Variants in RAB40B observed in about 807,000 individuals in gnomAD.
RAB40B encodes RAB40B, member RAS oncogene family, also known as ras-related protein Rab-40B.
RAB40B carries 21 observed loss-of-function variants against 24.0 expected under a neutral mutation model. The ratio of observed to expected loss-of-function variants is 0.88; its 90% CI spans 0.62 to 1.26. RAB40B has a LOEUF of 1.26. Among genes scored for constraint, RAB40B ranks in the 50% most tolerant of loss-of-function variants. The pLI, the probability that RAB40B is intolerant of heterozygous loss-of-function variation, is 0.00. For missense variants in RAB40B, 348 were observed against 390.5 expected (o/e 0.89, Z 0.92); for synonymous variants, 167 against 169.8 (o/e 0.98, Z 0.13).
At chr17:82,688,607 T>C (rs868484394) in intron 1 of RAB40B, among the ~76,000 whole-genome samples, 1 of 150,960 alleles carries the variant, frequency 6.6e-6, no homozygotes, top group Middle Eastern at 3.4e-3. Flanking sequence ...AAAGCGAGAC[T>C]CCGTCTCAAA....
chr17:82,695,980 C>T (rs1471812143), intron 1 of RAB40B, among the ~76,000 whole-genome samples: 1 of 152,110 alleles, frequency 6.6e-6, no homozygotes, highest in East Asian at 1.9e-4. Context: ...AGCAATTCTC[C>T]TGCCTCAGCC....
intron 1 of RAB40B, among the ~76,000 whole-genome samples, chr17:82,681,982 T>C (rs535139764): frequency 5.9e-5 from 9 of 151,988 alleles, no homozygotes; most frequent in African/African-American, 2.2e-4. Flanking sequence ...CCCATGAAAA[T>C]ATCCACTCTT....
At chr17:82,662,795 G>T (rs1437065753) in intron 2 of RAB40B, 3 of 985,316 alleles carry the variant, frequency 3.0e-6, no homozygotes, top group South Asian at 4.7e-5. Context: ...CCACTGGGCA[G>T]CTGGGGTCAG....
intron 1 of RAB40B, among the ~76,000 whole-genome samples, chr17:82,674,852 G>A (rs904398958): frequency 1.3e-5 from 2 of 152,012 alleles, no homozygotes; most frequent in Non-Finnish European, 2.9e-5. Context: ...AGCAGGGCCA[G>A]GGTGTGTGCA....
chr17:82,678,676 G>A (rs1034878381), intron 1 of RAB40B, among the ~76,000 whole-genome samples: 1 of 152,162 alleles, frequency 6.6e-6, no homozygotes, highest in Non-Finnish European at 1.5e-5. Context: ...TAAAACACCG[G>A]AAAGCCAAAA....
chr17:82,695,294 C>T (rs539207015), intron 1 of RAB40B, among the ~76,000 whole-genome samples: 10 of 150,848 alleles, frequency 6.6e-5, no homozygotes, highest in East Asian at 3.9e-4. Flanking sequence ...TGGGTTCCAG[C>T]GATTCTCCTG....
intron 1 of RAB40B, among the ~76,000 whole-genome samples, chr17:82,666,005 AC>A (rs1333535987): frequency 3.6e-4 from 54 of 151,502 alleles, no homozygotes; most frequent in African/African-American, 1.3e-3. Flanking sequence ...TGCAGCCTCT[AC>A]CTCCTGGGCT....
intron 1 of RAB40B, among the ~76,000 whole-genome samples, chr17:82,677,467 A>C (rs1402622383): frequency 1.3e-5 from 2 of 152,212 alleles, no homozygotes; most frequent in Non-Finnish European, 2.9e-5. Flanking sequence ...CCCATCCTGC[A>C]GCGGCCAGCT....
chr17:82,657,787 A>G lies in RAB40B; in HGVS notation c.*76T>C, dbSNP rs767191577. The G allele has an allele frequency of 6.6e-7, 1 of 1,514,740 alleles. No individual in the cohort carries two copies. Among genetic ancestry groups the G allele is most frequent in the East Asian group, 2.3e-5 (1 of 44,324 alleles). 93.8% of individuals were successfully genotyped at this position (1,514,740 alleles called of 1,614,324 possible). The stretch of plus-strand genomic sequence containing the variant: ...TCGCCGAGAGGAACCGGGATCTGAG[A>G]TGCATCCACCAGCTGCCGGGGGTAA... On this transcript the variant is annotated 3_prime_UTR_variant, in exon 6 of 6. Transcript: ENST00000571995.
chr17:82,680,674 T>C (rs769333212), intron 1 of RAB40B, among the ~76,000 whole-genome samples: 1 of 152,230 alleles, frequency 6.6e-6, no homozygotes, highest in East Asian at 1.9e-4. Flanking sequence ...GTAATACCTA[T>C]AATGATATAT....
rs573201940 is a variant in RAB40B at position 82,667,709 on chromosome 17, C to G, written c.143-3153G>C. ...CCAAGCAACACCAGAGCAAACTCCCCCCGTCAGAGGAGAGTGATTCAGAGG... is the reference window on the plus strand; with the variant it reads ...CCAAGCAACACCAGAGCAAACTCCCGCCGTCAGAGGAGAGTGATTCAGAGG... On this transcript the variant is annotated intron_variant, in intron 1 of 5. Transcript: ENST00000571995. The surrounding 1 kb of genome is among the most constrained non-coding windows in gnomAD (Gnocchi z 4.3). Among the ~76,000 whole-genome samples, 1 of 152,278 alleles carries G rather than the reference C, an allele frequency of 6.6e-6. No individual in the cohort carries two copies. Among genetic ancestry groups the G allele is most frequent in the South Asian group, 2.1e-4 (1 of 4,820 alleles).
chr17:82,688,476 G>A (rs930006454), intron 1 of RAB40B, among the ~76,000 whole-genome samples: 2 of 152,044 alleles, frequency 1.3e-5, no homozygotes, highest in African/African-American at 2.4e-5. Context: ...TTAGCCAGGC[G>A]TGGAGGCAGG....
intron 1 of RAB40B, among the ~76,000 whole-genome samples, chr17:82,679,338 G>A (rs924195272): frequency 3.3e-5 from 5 of 151,278 alleles, no homozygotes; most frequent in Admixed American, 6.6e-5. Context: ...CTGGAGTGCA[G>A]TGGCGCAATC....
Position 82,666,068 on chromosome 17 carries a change from GCACCTGCCACCA to G in RAB40B, c.143-1524_143-1513del, listed in dbSNP as rs1232177338. Among the ~76,000 whole-genome samples the G allele has an allele frequency of 1.2e-3, 123 of 105,998 alleles. 1 individual carries two copies. Among genetic ancestry groups the G allele is most frequent in the African/African-American group, 3.4e-3 (116 of 33,820 alleles). 69.5% of individuals were successfully genotyped at this position (105,998 alleles called of 152,430 possible). A position where few individuals can be genotyped will look rare whatever the true frequency, so the allele number is the denominator to read the frequency against. ...CACACCTGCCACCGCACCTGCCACC[GCACCTGCCACCA>G]CACCTGCCACCGCACCTGCCACCAC... On this transcript the variant is annotated intron_variant, in intron 1 of 5. Transcript: ENST00000571995.
At chr17:82,668,797 C>T (rs1423739156) in intron 1 of RAB40B, among the ~76,000 whole-genome samples, 1 of 152,270 alleles carries the variant, frequency 6.6e-6, no homozygotes, top group Non-Finnish European at 1.5e-5. Flanking sequence ...CGGGCCGCGG[C>T]ACGCAGGGAA....
At chr17:82,673,608 C>G (rs1211097762) in intron 1 of RAB40B, among the ~76,000 whole-genome samples, 1 of 152,224 alleles carries the variant, frequency 6.6e-6, no homozygotes, top group Non-Finnish European at 1.5e-5. Context: ...ATGCTTTTCC[C>G]TTAAACACGT....
intron 1 of RAB40B, among the ~76,000 whole-genome samples, chr17:82,687,294 C>G (rs1388539628): frequency 6.6e-6 from 1 of 152,158 alleles, no homozygotes; most frequent in Non-Finnish European, 1.5e-5. Flanking sequence ...TCTATTTACT[C>G]TTTCCTATTA....
chr17:82,658,040 G>A lies in RAB40B; in HGVS notation c.660C>T (p.Ser220=). 1 of 1,614,218 alleles carries A rather than the reference G, an allele frequency of 6.2e-7. No individual in the cohort carries two copies. Among genetic ancestry groups the A allele is most frequent in the East Asian group, 2.2e-5 (1 of 44,884 alleles). ...DKLPLPIALR[S]HLKSFSMANG... is the part of the protein sequence containing the mutation. ...TGGCCATCGAGAAGGACTTGAGGTG[G>A]CTTCTTAAGGCAATGGGGAGCGGGA... The change falls in exon 6 of 6, where the codon AGC becomes AGT. Residue 220 remains serine, a synonymous_variant. Coordinates refer to ENST00000571995, the MANE Select transcript of RAB40B (RefSeq NM_006822.3).
intron 1 of RAB40B, 81 bp from the exon 2 acceptor site, chr17:82,664,637 G>A (rs2046231576): frequency 8.7e-6 from 12 of 1,386,484 alleles, no homozygotes; most frequent in Middle Eastern, 1.8e-4. Flanking sequence ...GGAAGAAAAG[G>A]GTTTCTCATC....
Sources: gnomAD v4.1 joint callset for allele counts (sites outside exome capture counted in the v4.1 genomes callset) on GRCh38, gnomAD v4.1.1 for gene constraint, Gnocchi (gnomAD v3.1) non-coding constraint, MANE v1.5 for transcripts, NCBI Gene and HGNC (gene_info 2026-07-23, HGNC 2026-07-21) for gene names.